HIVEP1: variants seen among roughly 807,000 people sequenced by gnomAD.
The protein encoded by HIVEP1 is HIVEP zinc finger 1.
A neutral mutation model predicts 180.0 loss-of-function variants in HIVEP1; 36 were observed. The ratio of observed to expected loss-of-function variants is 0.20; its 90% CI spans 0.15 to 0.26. HIVEP1 has a LOEUF of 0.26. HIVEP1 is among the 10% of genes least tolerant of loss of function. The pLI, the probability that HIVEP1 is intolerant of heterozygous loss-of-function variation, is 1.00. For missense variants in HIVEP1, 3,143 were observed against 3,268.7 expected, an observed-to-expected ratio of 0.96 and a Z score of 0.94; for synonymous variants, 1,239 against 1,239.0, an observed-to-expected ratio of 1.00 and a Z score of 0.00.
chr6:12,201,145 A>T, the HIVEP1 span, among the ~76,000 whole-genome samples: 1 of 152,234 alleles, frequency 6.6e-6, no homozygotes, highest in African/African-American at 2.4e-5. Flanking sequence ...TTTCAAACAC[A>T]TGCTTTTCTT....
At chr6:12,166,356 TAAAGAC>T (rs1011931818), downstream of HIVEP1, among the ~76,000 whole-genome samples, 18 of 152,198 alleles carry the variant, frequency 1.2e-4, no homozygotes, top group African/African-American at 1.9e-4. Flanking sequence ...TTCCTATACT[TAAAGAC>T]AAGTGTTACG....
chr6:12,199,344 G>C, the HIVEP1 span, among the ~76,000 whole-genome samples: 5 of 146,640 alleles, frequency 3.4e-5, no homozygotes, highest in East Asian at 1.0e-3. Context: ...CCTTTTCATT[G>C]TAATGACTGT....
downstream of HIVEP1, among the ~76,000 whole-genome samples, chr6:12,167,716 A>T (rs535661530): frequency 2.2e-5 from 2 of 92,302 alleles, no homozygotes; most frequent in African/African-American, 9.1e-5. Flanking sequence ...TATATGCATA[A>T]TATATATACA....
At chr6:12,107,352 G>C (rs1203292682) in intron 3 of HIVEP1, among the ~76,000 whole-genome samples, 1 of 152,214 alleles carries the variant, frequency 6.6e-6, no homozygotes, top group Admixed American at 6.5e-5. Flanking sequence ...AAATGTGAAT[G>C]ATCATCTGAG....
At chr6:12,112,063 A>C (rs1325873605) in intron 3 of HIVEP1, among the ~76,000 whole-genome samples, 2 of 152,166 alleles carry the variant, frequency 1.3e-5, no homozygotes, top group African/African-American at 4.8e-5. Flanking sequence ...TCCACATTTA[A>C]GTTTTAACAT....
upstream of HIVEP1, chr6:12,012,138 A>AGCCCGGCT (rs1206287126): frequency 6.9e-5 from 4 of 57,976 alleles, no homozygotes; most frequent in Admixed American, 1.5e-4. Flanking sequence ...CGCGCCCCCC[A>AGCCCGGCT]GCCCGGCTGC....
At position 12,121,256 on chromosome 6, in the gene HIVEP1, A is replaced by G; in HGVS notation, c.1461A>G (p.Ser487=). Reference sequence around the variant, plus strand: ...CCCCCAAAGCACTTAGTATTCATTCAGACGTAGAAGACAGTGGGGAGAGCG... The same window carrying G: ...CCCCCAAAGCACTTAGTATTCATTCGGACGTAGAAGACAGTGGGGAGAGCG... ...HESPKALSIH[S]DVEDSGESEE... Residue 487 remains serine, a synonymous_variant, in exon 4 of 9, where the codon TCA becomes TCG. Transcript: ENST00000379388. This position sits in a 1 kb window ranked among gnomAD's most constrained non-coding sequence, Gnocchi z 5.3. The G allele has an allele frequency of 6.2e-7, 1 of 1,614,170 alleles. No individual in the cohort carries two copies. The highest frequency in any genetic ancestry group is 8.5e-7 in the Non-Finnish European group (1 of 1,180,028).
chr6:12,026,322 G>T (rs552429670), intron 2 of HIVEP1, among the ~76,000 whole-genome samples: 10 of 152,190 alleles, frequency 6.6e-5, no homozygotes, highest in Non-Finnish European at 1.3e-4. Context: ...GAAATACCTC[G>T]CGGAGGAGTC....
intron 2 of HIVEP1, among the ~76,000 whole-genome samples, chr6:12,040,647 A>G (rs1343140490): frequency 6.6e-6 from 1 of 152,210 alleles, no homozygotes; most frequent in Admixed American, 6.5e-5. Context: ...TTGAAGATAA[A>G]ACTCATGTCA....
Position 12,121,727 on chromosome 6 carries a change from C to G in HIVEP1, c.1932C>G (p.Ala644=), listed in dbSNP as rs769994799. The G allele has an allele frequency of 1.1e-5, 18 of 1,614,006 alleles. No homozygotes were observed. The highest frequency in any genetic ancestry group is 1.5e-5 in the Non-Finnish European group (18 of 1,180,014). The change falls in exon 4 of 9, where the codon GCC becomes GCG. Residue 644 remains alanine (A), a synonymous_variant. Coordinates refer to ENST00000379388, the MANE Select transcript of HIVEP1 (RefSeq NM_002114.4). The surrounding 1 kb of genome is among the most constrained non-coding windows in gnomAD (Gnocchi z 5.3). The part of the protein sequence containing the change: ...KQDSHVGTVH[A]QLQRQQATDY... ...ACTCTCACGTAGGAACGGTACACGC[C>G]CAGCTACAAAGGCAGCAGGCTACCG...
intron 2 of HIVEP1, among the ~76,000 whole-genome samples, chr6:12,074,946 A>T (rs1017365687): frequency 2.0e-5 from 3 of 152,190 alleles, no homozygotes; most frequent in African/African-American, 7.2e-5. Context: ...GCAAATTGGG[A>T]TAGTTGAAAT....
chr6:12,210,488 A>G, the HIVEP1 span, among the ~76,000 whole-genome samples: 7,789 of 152,280 alleles, frequency 0.051, 438 homozygotes, highest in African/African-American at 0.14. Flanking sequence ...GCTAGGGTCA[A>G]TTATAATGTA....
chr6:12,013,352 C>T (rs1419413344), intron 1 of HIVEP1, among the ~76,000 whole-genome samples: 1 of 152,180 alleles, frequency 6.6e-6, no homozygotes, highest in Non-Finnish European at 1.5e-5. Context: ...GTTTTTGCTC[C>T]ATGTAGTATT....
At chr6:12,065,640 G>C (rs1434693499) in intron 2 of HIVEP1, among the ~76,000 whole-genome samples, 1 of 151,846 alleles carries the variant, frequency 6.6e-6, no homozygotes, top group African/African-American at 2.4e-5. Context: ...GAAAATGGAG[G>C]TGAAGGGTGG....
rs2113646699 is a variant in HIVEP1, at chr6:12,032,671, A to T, written c.40+17003A>T. Among the ~76,000 whole-genome samples the T allele has an allele frequency of 2.6e-5, 4 of 152,296 alleles. No individual in the cohort carries two copies. The Middle Eastern group carries it at 0.014, about 518-fold the overall frequency. ...ATTTTGAAAATTAAATATAACATAG[A>T]TAAAACTGGTACTTAGTAGCTATTC... On this transcript the variant is annotated intron_variant, in intron 2 of 8. Transcript: ENST00000379388.
chr6:12,196,719 A>G, the HIVEP1 span, among the ~76,000 whole-genome samples: 1 of 152,182 alleles, frequency 6.6e-6, no homozygotes, highest in Non-Finnish European at 1.5e-5. Context: ...GAGACAGAAG[A>G]GGAACCTTCA....
At chr6:12,060,902 T>C (rs976880998) in intron 2 of HIVEP1, among the ~76,000 whole-genome samples, 3 of 152,064 alleles carry the variant, frequency 2.0e-5, no homozygotes, top group Non-Finnish European at 2.9e-5. Flanking sequence ...ACTGCTGACA[T>C]TTGTGGCCTC....
At chr6:12,129,207 C>T (rs1347918564) in intron 4 of HIVEP1, among the ~76,000 whole-genome samples, 1 of 151,912 alleles carries the variant, frequency 6.6e-6, no homozygotes, top group Non-Finnish European at 1.5e-5. Flanking sequence ...GACCCCATGT[C>T]AAAAAAGATT....
At chr6:12,198,014 G>A in the HIVEP1 span, among the ~76,000 whole-genome samples, 1 of 152,206 alleles carries the variant, frequency 6.6e-6, no homozygotes, top group African/African-American at 2.4e-5. Flanking sequence ...TCACATGCAG[G>A]CTACTGCCTA....
Sources: gnomAD v4.1 joint callset for allele counts (sites outside exome capture counted in the v4.1 genomes callset) on GRCh38, gnomAD v4.1.1 for gene constraint, Gnocchi (gnomAD v3.1) non-coding constraint, MANE v1.5 for transcripts, NCBI Gene and HGNC (gene_info 2026-07-23, HGNC 2026-07-21) for gene names.